CENPI: variants seen among roughly 807,000 people sequenced by gnomAD.
CENPI encodes centromere protein I, also known as FSH primary response 1.
In CENPI, 4 loss-of-function variants were observed where a neutral mutation model predicts 60.4. The observed-to-expected ratio is 0.07, with a 90% CI of 0.03 to 0.15. CENPI has a LOEUF of 0.15. Among genes scored for constraint, CENPI ranks in the 10% least tolerant of loss-of-function variants. The probability of loss-of-function intolerance (pLI) is 1.00; values close to 1 mark genes in which losing one functional copy is unlikely to be tolerated. For missense variants in CENPI, 444 were observed against 534.5 expected (o/e 0.83, Z 1.67); for synonymous variants, 157 against 189.4 (o/e 0.83, Z 1.40).
At chrX:101,159,171 C>CT (rs1309281669) in intron 20 of CENPI, among the ~76,000 whole-genome samples, 4 of 109,247 alleles carry the variant, frequency 3.7e-5, no homozygotes, top group Non-Finnish European at 5.7e-5. Context: ...GAAAATGACC[C>CT]TTTTTTTTGA....
intron 18 of CENPI, 28 bp from the exon 19 acceptor site, chrX:101,147,735 G>A (rs2089974457): frequency 2.6e-6 from 3 of 1,133,208 alleles, no homozygotes; most frequent in Non-Finnish European, 3.6e-6. Context: ...CATGTTAAAT[G>A]TTTCATTCTG....
chrX:101,134,161 T>C (rs2089824287), intron 15 of CENPI, among the ~76,000 whole-genome samples: 1 of 110,605 alleles, frequency 9.0e-6, no homozygotes, highest in African/African-American at 3.3e-5. Flanking sequence ...GAATAATTGA[T>C]GGTACAAGAT....
intron 15 of CENPI, among the ~76,000 whole-genome samples, chrX:101,140,273 A>G (rs2089903251): frequency 8.9e-6 from 1 of 112,182 alleles, no homozygotes; most frequent in Admixed American, 9.5e-5. Flanking sequence ...AAGGTGGCAA[A>G]TTGTAATTGT....
At chrX:101,133,317 A>ATT (rs750307029) in intron 15 of CENPI, among the ~76,000 whole-genome samples, 15 of 76,983 alleles carry the variant, frequency 1.9e-4, no homozygotes, top group South Asian at 6.3e-4. Context: ...TTCAGTTTGA[A>ATT]TTTTTTTTTT....
At chrX:101,175,396 C>T in the CENPI span, among the ~76,000 whole-genome samples, 18 of 112,157 alleles carry the variant, frequency 1.6e-4, no homozygotes, top group South Asian at 3.3e-3. Flanking sequence ...GCAACTTAGC[C>T]TCTACAGTTG....
At chrX:101,174,735 A>G in the CENPI span, among the ~76,000 whole-genome samples, 72 of 111,172 alleles carry the variant, frequency 6.5e-4, 1 homozygote, top group African/African-American at 2.3e-3. Context: ...GATGGGGTCA[A>G]TCATACCCCA....
At chrX:101,157,682 GGTT>G (rs2090066122) in intron 20 of CENPI, among the ~76,000 whole-genome samples, 1 of 102,327 alleles carries the variant, frequency 9.8e-6, no homozygotes, top group African/African-American at 3.5e-5. Flanking sequence ...ACTTTTTTTT[GGTT>G]GTTTCATTTT....
chrX:101,128,658 G>A (rs2089762290), intron 11 of CENPI, 58 bp from the exon 12 acceptor site: 3 of 1,157,744 alleles, frequency 2.6e-6, no homozygotes, highest in Non-Finnish European at 3.5e-6. Flanking sequence ...TCTATATGAC[G>A]ATTCCCTTAT....
chrX:101,100,436 G>C (rs1385747913), intron 2 of CENPI: 3 of 111,715 alleles, frequency 2.7e-5, no homozygotes, highest in African/African-American at 9.8e-5. Flanking sequence ...TGTTGTTTGA[G>C]ACAGGGTCTC....
In CENPI at chrX:101,104,507, TG is replaced by T. The variant is rs745825039; in HGVS notation, c.364+2097del. ...GTAGTTAAAGAGACTTGCTTAAAGATGTCCAAACTCCCATTCTAGTGCTTAT... is the reference window on the plus strand; with the variant it reads ...GTAGTTAAAGAGACTTGCTTAAAGATTCCAAACTCCCATTCTAGTGCTTAT... On this transcript the variant is annotated intron_variant, in intron 4 of 21. Coordinates refer to ENST00000682095, the MANE Select transcript of CENPI (RefSeq NM_001386188.2). 2.6e-3 allele frequency among the ~76,000 whole-genome samples: 287 copies of T among 111,644 alleles called. 2 individuals are homozygous for T. Among genetic ancestry groups the T allele is most frequent in the African/African-American group, 8.8e-3 (270 of 30,824 alleles).
rs770944728 is a variant in CENPI at position 101,110,478 on chromosome X, G to A, written c.591+480G>A. On this transcript the variant is annotated intron_variant, in intron 6 of 21. Coordinates refer to ENST00000682095, the MANE Select transcript of CENPI (RefSeq NM_001386188.2). The stretch of plus-strand genomic sequence containing the variant: ...CCAATGGAGTGATTTTGATTAAATA[G>A]CATAATTATTTCTCTTAAAAACATT... Among the ~76,000 whole-genome samples the A allele has an allele frequency of 1.2e-4, 13 of 112,056 alleles. No homozygotes were observed. The East Asian group carries it at 3.3e-3, about 29-fold the overall frequency.
chrX:101,180,939 A>AT, the CENPI span, among the ~76,000 whole-genome samples: 4 of 110,887 alleles, frequency 3.6e-5, no homozygotes, highest in African/African-American at 9.9e-5. Context: ...GCTAATTTTT[A>AT]TTTTTTTGTA....
intron 15 of CENPI, among the ~76,000 whole-genome samples, chrX:101,133,699 TC>T (rs1285223586): frequency 9.0e-6 from 1 of 110,873 alleles, no homozygotes; most frequent in Non-Finnish European, 1.9e-5. Context: ...GAATAATAGT[TC>T]CAAGGAAACA....
chrX:101,103,876 A>T (rs2089452370), intron 4 of CENPI, among the ~76,000 whole-genome samples: 1 of 112,381 alleles, frequency 8.9e-6, no homozygotes, highest in African/African-American at 3.2e-5. Flanking sequence ...ATTTTTTAGT[A>T]TTTATCTTAA....
intron 6 of CENPI, among the ~76,000 whole-genome samples, chrX:101,111,988 T>C (rs112860936): frequency 0.28 from 30,723 of 110,382 alleles, 3,348 homozygotes; most frequent in African/African-American, 0.36. Flanking sequence ...GCCAAGATTG[T>C]GCCACTGCAC....
intron 8 of CENPI, among the ~76,000 whole-genome samples, 156 bp from the exon 9 acceptor site, chrX:101,126,553 C>T (rs182213548): frequency 8.9e-6 from 1 of 112,108 alleles, no homozygotes; most frequent in Non-Finnish European, 1.9e-5. Context: ...ACTTAAATGT[C>T]TGGTTACTCA....
the CENPI span, among the ~76,000 whole-genome samples, chrX:101,171,754 A>T: frequency 1.1e-4 from 12 of 111,905 alleles, no homozygotes; most frequent in Non-Finnish European, 2.3e-4. Flanking sequence ...AAAACATAGG[A>T]GTATATCGTT....
chrX:101,105,001 A>G (rs1277335520), intron 4 of CENPI, among the ~76,000 whole-genome samples: 2 of 112,207 alleles, frequency 1.8e-5, no homozygotes, highest in African/African-American at 3.2e-5. Flanking sequence ...TTAAAGTAAC[A>G]ACACATTACT....
chrX:101,102,719 AC>A (rs1379830157), intron 4 of CENPI, among the ~76,000 whole-genome samples: 2 of 107,452 alleles, frequency 1.9e-5, no homozygotes, highest in Non-Finnish European at 3.8e-5. Flanking sequence ...TTGCTCTGTC[AC>A]CCAGGCTGTA....
Sources: gnomAD v4.1 joint callset for allele counts (sites outside exome capture counted in the v4.1 genomes callset) on GRCh38, gnomAD v4.1.1 for gene constraint, MANE v1.5 for transcripts, NCBI Gene and HGNC (gene_info 2026-07-23, HGNC 2026-07-21) for gene names.